Variants in CXADR observed in about 807,000 individuals in gnomAD.
CXADR encodes the protein coxsackievirus and adenovirus receptor.
CXADR carries 20 observed loss-of-function variants against 40.3 expected under a neutral mutation model. The ratio of observed to expected loss-of-function variants is 0.50; its 90% CI spans 0.35 to 0.72. The LOEUF is 0.72. Ranked by LOEUF, CXADR falls within the 30% of genes least tolerant of loss-of-function variation. CXADR has a pLI of 0.01. For missense variants in CXADR, 332 were observed against 449.1 expected (o/e 0.74, Z 2.36); for synonymous variants, 150 against 161.3 (o/e 0.93, Z 0.53).
intron 1 of CXADR, among the ~76,000 whole-genome samples, chr21:17,538,679 G>A (rs959961949): frequency 2.0e-5 from 3 of 151,920 alleles, no homozygotes; most frequent in Non-Finnish European, 4.4e-5. Flanking sequence ...TAGTGGGCAT[G>A]GTGGCACATA....
chr21:17,518,616 A>C (rs1306717359), intron 1 of CXADR: 57 of 1,537,362 alleles, frequency 3.7e-5, no homozygotes, highest in African/African-American at 6.8e-5. Flanking sequence ...TTGCTGCTTT[A>C]CTGTCCAAGA....
At chr21:17,594,133 C>T (rs750988183), downstream of CXADR, 22 of 1,612,932 alleles carry the variant, frequency 1.4e-5, no homozygotes, top group African/African-American at 9.4e-5. Context: ...CCAGTGATTC[C>T]GGTCACAATG....
chr21:17,634,260 C>T, the CXADR span, among the ~76,000 whole-genome samples: 27 of 152,142 alleles, frequency 1.8e-4, no homozygotes, highest in African/African-American at 6.3e-4. Flanking sequence ...GGGGGGGATC[C>T]TTCATCTGGG....
At chr21:17,634,240 A>G in the CXADR span, among the ~76,000 whole-genome samples, 1 of 152,202 alleles carries the variant, frequency 6.6e-6, no homozygotes, top group Non-Finnish European at 1.5e-5. Context: ...TAAATAGTGA[A>G]GTCCTATATG....
intron 7 of CXADR, among the ~76,000 whole-genome samples, chr21:17,584,864 G>C (rs2061383928): frequency 6.6e-6 from 1 of 151,996 alleles, no homozygotes; most frequent in Non-Finnish European, 1.5e-5. Flanking sequence ...TAACAAAACT[G>C]ACTTTATATT....
At chr21:17,517,518 A>G (rs1193936531) in intron 1 of CXADR, among the ~76,000 whole-genome samples, 1 of 152,234 alleles carries the variant, frequency 6.6e-6, no homozygotes, top group Non-Finnish European at 1.5e-5. Context: ...CTGATTCAAA[A>G]GCACATTCCC....
Position 17,523,796 on chromosome 21 carries a change from A to G in CXADR, c.43+10624A>G, listed in dbSNP as rs575516533. On this transcript the variant is annotated intron_variant, in intron 1 of 6. Coordinates refer to ENST00000284878, the MANE Select transcript of CXADR (RefSeq NM_001338.5). The stretch of plus-strand genomic sequence containing the variant: ...CATCTAACTTCTGTTTCTTAAGAAA[A>G]CAAACCTAGTAATCTAGAATAATAA... Among the ~76,000 whole-genome samples the G allele has an allele frequency of 2.5e-3, 384 of 152,272 alleles. 1 individual carries two copies. The highest frequency in any genetic ancestry group is 4.2e-3 in the Non-Finnish European group (288 of 68,026).
In CXADR at chr21:17,569,009, T is replaced by G. The variant is rs993875365; in HGVS notation, c.*3317T>G. 3.0e-6 allele frequency: 3 copies of G among 984,806 alleles called. No homozygotes were observed. In the African/African-American group the frequency reaches 5.2e-5, roughly 17 times the overall value. 61.0% of individuals were successfully genotyped at this position (984,806 alleles called of 1,614,324 possible). A position where few individuals can be genotyped will look rare whatever the true frequency, so the allele number is the denominator to read the frequency against. On this transcript the variant is annotated 3_prime_UTR_variant, in exon 7 of 7. Coordinates refer to ENST00000284878, the MANE Select transcript of CXADR (RefSeq NM_001338.5). The stretch of plus-strand genomic sequence containing the variant: ...TATTAAAAAGATACTTTTTCAAATT[T>G]AAGAGTTAATCTTGGAAATTTGGAA...
intron 4 of CXADR, 44 bp downstream of exon 4, chr21:17,559,175 A>C (rs745952166): frequency 6.3e-7 from 1 of 1,599,140 alleles, no homozygotes; most frequent in Non-Finnish European, 8.6e-7. Context: ...ATTGATTTGG[A>C]CTAAGATCTA....
chr21:17,514,733 A>G (rs137894244), intron 1 of CXADR, among the ~76,000 whole-genome samples: 1,917 of 151,694 alleles, frequency 0.013, 44 homozygotes, highest in African/African-American at 0.043. Flanking sequence ...CCCCGCGTTT[A>G]AGCGATTCTC....
the CXADR span, among the ~76,000 whole-genome samples, chr21:17,603,479 TGGAA>T: frequency 6.6e-6 from 1 of 152,114 alleles, no homozygotes; most frequent in Non-Finnish European, 1.5e-5. Flanking sequence ...CAAAATTTAA[TGGAA>T]GAATAATCAT....
intron 4 of CXADR, among the ~76,000 whole-genome samples, chr21:17,560,163 C>T (rs2123305853): frequency 6.6e-6 from 1 of 152,196 alleles, no homozygotes; most frequent in South Asian, 2.1e-4. Context: ...ATCTGCTCAC[C>T]TATTTGTTAT....
chr21:17,613,043 A>AC, the CXADR span: 8 of 151,104 alleles, frequency 5.3e-5, no homozygotes, highest in South Asian at 1.7e-3. Context: ...CCGCGAGGCC[A>AC]CCCCCGAGCC....
Position 17,567,812 on chromosome 21 carries a change from A to T in CXADR, c.*2120A>T. Reference sequence around the variant, plus strand: ...TCATATAATGAAAATTATCCTATTGATCTAAGTAGAAGTTATCATAGAAAG... The same window carrying T: ...TCATATAATGAAAATTATCCTATTGTTCTAAGTAGAAGTTATCATAGAAAG... On this transcript the variant is annotated 3_prime_UTR_variant, in exon 7 of 7. Coordinates refer to ENST00000284878, the MANE Select transcript of CXADR (RefSeq NM_001338.5). 1.1e-6 allele frequency: 1 copy of T among 951,588 alleles called. No individual in the cohort carries two copies. Among genetic ancestry groups the T allele is most frequent in the Non-Finnish European group, 1.3e-6 (1 of 799,172 alleles). The allele number at this position is 951,588 out of a possible 1,614,324, so 58.9% of individuals were successfully genotyped here.
chr21:17,547,257 C>A (rs576917301), intron 2 of CXADR, 64 bp downstream of exon 2: 3 of 1,597,162 alleles, frequency 1.9e-6, no homozygotes, highest in Non-Finnish European at 2.6e-6. Context: ...GTGTCCATCA[C>A]CTTGCCAGTC....
At chr21:17,598,969 C>T in the CXADR span, 2 of 610,016 alleles carry the variant, frequency 3.3e-6, no homozygotes, top group Non-Finnish European at 5.5e-6. Flanking sequence ...CATTTAATAT[C>T]CTAATACAGC....
At chr21:17,532,994 TC>T (rs1482501324) in intron 1 of CXADR, among the ~76,000 whole-genome samples, 2 of 152,178 alleles carry the variant, frequency 1.3e-5, no homozygotes, top group Middle Eastern at 3.2e-3. Context: ...GGAGCTGGAC[TC>T]AGAGAACTCC....
chr21:17,518,201 C>G (rs1364573282), intron 1 of CXADR, among the ~76,000 whole-genome samples: 1 of 152,062 alleles, frequency 6.6e-6, no homozygotes, highest in Admixed American at 6.6e-5. Flanking sequence ...CCAATTTGCT[C>G]TCCACTGTAT....
chr21:17,594,329 A>T (rs2061475349), downstream of CXADR: 8 of 1,612,522 alleles, frequency 5.0e-6, no homozygotes, highest in Non-Finnish European at 6.8e-6. Context: ...ATAAGTTCTG[A>T]AATCTGTAGG....
Sources: allele counts gnomAD v4.1 joint callset (sites outside exome capture counted in the v4.1 genomes callset), GRCh38; gene constraint gnomAD v4.1.1; transcripts MANE v1.5; gene names NCBI Gene and HGNC (gene_info 2026-07-23, HGNC 2026-07-21).